Variants in TNPO1 observed in about 807,000 individuals in gnomAD.
The protein encoded by TNPO1 is transportin 1, also known as transportin-1.
A neutral mutation model predicts 119.5 loss-of-function variants in TNPO1; 8 were observed. The ratio of observed to expected loss-of-function variants is 0.07; its 90% CI spans 0.04 to 0.12. The LOEUF (loss-of-function observed/expected upper bound fraction) is 0.12. Ranked by LOEUF, TNPO1 falls within the 10% of genes least tolerant of loss-of-function variation. The pLI is 1.00. For missense variants in TNPO1, 576 were observed against 1,089.8 expected (o/e 0.53, Z 6.64); for synonymous variants, 362 against 363.0 (o/e 1.00, Z 0.03).
rs530187864 is a variant in TNPO1 at position 72,839,191 on chromosome 5, T to C, written c.16-9194T>C. Among the ~76,000 whole-genome samples, 5 of 152,304 alleles carry C rather than the reference T, an allele frequency of 3.3e-5. No homozygotes were observed. The East Asian group carries it at 9.6e-4, about 29-fold the overall frequency. ...GTGGGACAATCCCTAGTAAAGCACA[T>C]TAATAAATCCTATGATACTAAGAGA... On this transcript the variant is annotated intron_variant, in intron 1 of 24. Coordinates refer to ENST00000337273, the MANE Select transcript of TNPO1 (RefSeq NM_002270.4).
intron 9 of TNPO1, chr5:72,879,327 G>A (rs1748056201): frequency 6.5e-6 from 1 of 153,048 alleles, no homozygotes; most frequent in Non-Finnish European, 1.5e-5. Context: ...CTATGCTAAT[G>A]AAAACCTAGG....
rs764147129 is a variant in TNPO1 at position 72,893,123 on chromosome 5, A to G, written c.1789-16A>G. ...TATACCCAGAAAGTTTAGCATGTGT[A>G]CTTTATTCTTCCTAGTGCCTATCTT... On this transcript the variant is annotated splice_polypyrimidine_tract_variant and intron_variant, in intron 15 of 24. Transcript: ENST00000337273. 3.3e-5 allele frequency: 52 copies of G among 1,597,576 alleles called. No homozygotes were observed. The highest frequency in any genetic ancestry group is 1.7e-4 in the Middle Eastern group (1 of 6,022).
At chr5:72,846,360 G>A (rs1490353604) in intron 1 of TNPO1, among the ~76,000 whole-genome samples, 3 of 151,746 alleles carry the variant, frequency 2.0e-5, no homozygotes, top group East Asian at 1.9e-4. Context: ...GTATTGGCCC[G>A]GAATTATGGC....
rs1750489141 is a variant in TNPO1 at position 72,910,472 on chromosome 5, T to C, written c.*1799T>C. ...TGTATCCCATGATGATGAAGGAAAA[T>C]GGAGAGATTTTTCTTTTTAACTCTG... On this transcript the variant is annotated 3_prime_UTR_variant, in exon 25 of 25. Transcript: ENST00000337273. 1 of 152,578 alleles carries C rather than the reference T, an allele frequency of 6.6e-6. No individual in the cohort carries two copies. The highest frequency in any genetic ancestry group is 1.5e-5 in the Non-Finnish European group (1 of 68,004). The allele number at this position is 152,578 out of a possible 1,614,324, so 9.5% of individuals were successfully genotyped here.
chr5:72,904,838 T>C (rs916677456), intron 23 of TNPO1, among the ~76,000 whole-genome samples: 2 of 152,152 alleles, frequency 1.3e-5, no homozygotes, highest in African/African-American at 4.8e-5. Flanking sequence ...CTGGGTAATT[T>C]ACAAAAGAAA....
intron 3 of TNPO1, among the ~76,000 whole-genome samples, chr5:72,852,419 T>C (rs1003994770): frequency 2.0e-5 from 3 of 152,210 alleles, no homozygotes; most frequent in African/African-American, 7.2e-5. Context: ...TACGTTGTAG[T>C]GAGAGTTGTT....
chr5:72,899,464 T>A lies in TNPO1; in HGVS notation c.2339-542T>A, dbSNP rs200722905. Among the ~76,000 whole-genome samples, 5 of 147,936 alleles carry A rather than the reference T, an allele frequency of 3.4e-5. No individual in the cohort carries two copies. In the East Asian group the frequency reaches 9.0e-4, roughly 27 times the overall value. On this transcript the variant is annotated intron_variant, in intron 20 of 24. Transcript: ENST00000337273. ...TGGCAAATGTTAATCAAAGAAAAAA[T>A]TTTTGAAACTACCAAAAATTTGGTT...
chr5:72,879,965 A>G (rs1234941854), intron 9 of TNPO1, among the ~76,000 whole-genome samples: 1 of 152,212 alleles, frequency 6.6e-6, no homozygotes, highest in Admixed American at 6.5e-5. Context: ...AGGCAGGCAG[A>G]TCGCTTGAGC....
At chr5:72,851,120 T>G (rs1745515116) in intron 2 of TNPO1, 124 bp from the exon 3 acceptor site, 2 of 654,554 alleles carry the variant, frequency 3.1e-6, no homozygotes. Flanking sequence ...TCCTTATTCT[T>G]AGTTTAAAAA....
chr5:72,896,905 G>A, intron 19 of TNPO1, 151 bp from the exon 20 acceptor site: 1 of 466,040 alleles, frequency 2.1e-6, no homozygotes, highest in Non-Finnish European at 3.7e-6. Flanking sequence ...TAGGTGCCTT[G>A]ATATTTTTGT....
intron 6 of TNPO1, among the ~76,000 whole-genome samples, chr5:72,867,556 C>T (rs1747010673): frequency 6.6e-6 from 1 of 152,156 alleles, no homozygotes; most frequent in South Asian, 2.1e-4. Flanking sequence ...CTCATCATGG[C>T]CTACTCGTAT....
chr5:72,854,236 G>A (rs898504349), intron 3 of TNPO1, among the ~76,000 whole-genome samples: 9 of 152,124 alleles, frequency 5.9e-5, no homozygotes, highest in African/African-American at 2.2e-4. Flanking sequence ...TTTTGTTTTG[G>A]TTTGAGACGG....
intron 1 of TNPO1, among the ~76,000 whole-genome samples, chr5:72,827,146 G>A (rs1307321038): frequency 6.6e-6 from 1 of 152,088 alleles, no homozygotes; most frequent in Non-Finnish European, 1.5e-5. Flanking sequence ...GCATGCAAAA[G>A]TAAAGGCCCT....
intron 4 of TNPO1, among the ~76,000 whole-genome samples, chr5:72,858,964 T>C: frequency 6.6e-6 from 1 of 152,060 alleles, no homozygotes; most frequent in East Asian, 1.9e-4. Flanking sequence ...TTTTTTTTTT[T>C]TTTTTAATCA....
chr5:72,905,377 A>G lies in TNPO1; in HGVS notation c.2664A>G (p.Leu888=). The G allele has an allele frequency of 1.2e-6, 2 of 1,612,114 alleles. No individual in the cohort carries two copies. Among genetic ancestry groups the G allele is most frequent in the South Asian group, 1.1e-5 (1 of 90,830 alleles). Reference sequence around the variant, plus strand: ...TCTCTGACCAGTTTCCTCTTCCCTTAAAAGAGCGTCTTGCAGCTTTTTATG... The same window carrying G: ...TCTCTGACCAGTTTCCTCTTCCCTTGAAAGAGCGTCTTGCAGCTTTTTATG... ...RRFSDQFPLP[L]KERLAAFYGV Residue 888 remains leucine, a synonymous_variant, in exon 24 of 25, where the codon TTA becomes TTG. Transcript: ENST00000337273.
chr5:72,873,517 C>A (rs1018108834), intron 7 of TNPO1, among the ~76,000 whole-genome samples: 1 of 152,022 alleles, frequency 6.6e-6, no homozygotes, highest in African/African-American at 2.4e-5. Context: ...CCATAAAGAT[C>A]CTTTAGCCAT....
Position 72,913,229 on chromosome 5 carries a change from AT to A in TNPO1, c.*4558del, listed in dbSNP as rs1750678133. 6.6e-6 allele frequency: 1 copy of A among 152,486 alleles called. No homozygotes were observed. Among genetic ancestry groups the A allele is most frequent in the Non-Finnish European group, 1.5e-5 (1 of 67,914 alleles). 9.4% of individuals were successfully genotyped at this position (152,486 alleles called of 1,614,324 possible). The stretch of plus-strand genomic sequence containing the variant: ...GAGATACTTCTAATGCCTCTCTAAA[AT>A]TAAATTTTACATAAAAGTTAGTTTT... On this transcript the variant is annotated 3_prime_UTR_variant, in exon 25 of 25. Coordinates refer to ENST00000337273, the MANE Select transcript of TNPO1 (RefSeq NM_002270.4).
chr5:72,834,982 T>C (rs987658137), intron 1 of TNPO1, among the ~76,000 whole-genome samples: 3 of 152,250 alleles, frequency 2.0e-5, no homozygotes, highest in African/African-American at 4.8e-5. Context: ...TGTGTTACCA[T>C]TGCCTGCAGT....
At chr5:72,865,493 G>A (rs1746812685) in intron 5 of TNPO1, 103 bp from the exon 6 acceptor site, 9 of 1,298,154 alleles carry the variant, frequency 6.9e-6, no homozygotes, top group South Asian at 1.3e-5. Context: ...ATTTTATGTG[G>A]GCTGAGAACA....
Sources: allele counts gnomAD v4.1 joint callset (sites outside exome capture counted in the v4.1 genomes callset), GRCh38; gene constraint gnomAD v4.1.1; transcripts MANE v1.5; gene names NCBI Gene and HGNC (gene_info 2026-07-23, HGNC 2026-07-21).